CFAP299: variants seen among roughly 807,000 people sequenced by gnomAD.
The protein encoded by CFAP299 is cilia- and flagella-associated protein 299.
Under a neutral mutation model 27.0 loss-of-function variants are expected in CFAP299, and 21 were observed. The ratio of observed to expected loss-of-function variants is 0.78; its 90% CI spans 0.55 to 1.12. The LOEUF is 1.12. Among genes scored for constraint, CFAP299 ranks in the 50% most tolerant of loss-of-function variants. CFAP299 has a pLI of 0.00. For synonymous variants in CFAP299, 104 were observed against 98.1 expected (o/e 1.06, Z -0.36); for missense variants, 310 against 276.6 (o/e 1.12, Z -0.86).
intron 3 of CFAP299, 67 bp from the exon 4 acceptor site, chr4:80,869,926 C>G (rs772632407): frequency 9.6e-6 from 14 of 1,451,542 alleles, no homozygotes; most frequent in Non-Finnish European, 1.2e-5. Flanking sequence ...ATCATTCTAT[C>G]CTATGGCATT....
chr4:80,825,377 A>T (rs888942267), intron 3 of CFAP299, among the ~76,000 whole-genome samples: 3 of 151,986 alleles, frequency 2.0e-5, no homozygotes, highest in Non-Finnish European at 4.4e-5. Context: ...AAGCATCTCA[A>T]GTTTGATGAA....
intron 3 of CFAP299, among the ~76,000 whole-genome samples, chr4:80,748,509 T>G (rs1419599059): frequency 6.6e-6 from 1 of 152,166 alleles, no homozygotes; most frequent in African/African-American, 2.4e-5. Flanking sequence ...CCTAATAGAT[T>G]GCAAACATCA....
chr4:80,737,766 G>T (rs1329186795), intron 3 of CFAP299, among the ~76,000 whole-genome samples: 1 of 151,708 alleles, frequency 6.6e-6, no homozygotes, highest in African/African-American at 2.4e-5. Flanking sequence ...TTAAAAAGAA[G>T]AAAAAAATAA....
At chr4:80,852,916 C>T (rs1370637342) in intron 3 of CFAP299, among the ~76,000 whole-genome samples, 4 of 152,144 alleles carry the variant, frequency 2.6e-5, no homozygotes, top group Non-Finnish European at 5.9e-5. Flanking sequence ...CCAGTATGTA[C>T]CAGGCACTGT....
intron 2 of CFAP299, among the ~76,000 whole-genome samples, chr4:80,443,256 T>C (rs956620634): frequency 3.3e-5 from 5 of 151,804 alleles, no homozygotes; most frequent in African/African-American, 1.2e-4. Flanking sequence ...CCAGTGTCCC[T>C]TGAGCATCAA....
intron 3 of CFAP299, among the ~76,000 whole-genome samples, chr4:80,821,582 T>G (rs1290939252): frequency 1.3e-5 from 2 of 152,164 alleles, no homozygotes; most frequent in Non-Finnish European, 2.9e-5. Context: ...ATGTGAAGTC[T>G]TGTCCAAGTC....
At chr4:80,757,736 T>A (rs1725319721) in intron 3 of CFAP299, among the ~76,000 whole-genome samples, 1 of 140,052 alleles carries the variant, frequency 7.1e-6, no homozygotes, top group Non-Finnish European at 1.5e-5. Flanking sequence ...TGGTTTGGTT[T>A]TTTTTTCATT....
At chr4:80,728,673 T>G (rs886950759) in intron 3 of CFAP299, among the ~76,000 whole-genome samples, 4 of 152,214 alleles carry the variant, frequency 2.6e-5, no homozygotes, top group Non-Finnish European at 4.4e-5. Context: ...TAAAAAATCT[T>G]TGAGTTATAT....
chr4:80,780,329 A>G lies in CFAP299; in HGVS notation c.334-89664A>G, dbSNP rs532172331. Among the ~76,000 whole-genome samples the G allele has an allele frequency of 1.4e-4, 21 of 152,172 alleles. No homozygotes were observed. The South Asian group carries it at 3.9e-3, about 29-fold the overall frequency. Reference sequence around the variant, plus strand: ...ATTTATTGCTGCTGATGATCTCTCTATGCCATTGTAAGCTTTTGAAAGGCA... The same window carrying G: ...ATTTATTGCTGCTGATGATCTCTCTGTGCCATTGTAAGCTTTTGAAAGGCA... On this transcript the variant is annotated intron_variant, in intron 3 of 5. Transcript: ENST00000358105.
At chr4:80,377,303 TGTTAG>T (rs1260991439) in intron 2 of CFAP299, among the ~76,000 whole-genome samples, 2 of 152,142 alleles carry the variant, frequency 1.3e-5, no homozygotes, top group African/African-American at 4.8e-5. Context: ...TTGTAAATTT[TGTTAG>T]GTAAGAGGCT....
intron 2 of CFAP299, among the ~76,000 whole-genome samples, chr4:80,500,378 A>T (rs1333015514): frequency 1.3e-5 from 2 of 152,040 alleles, no homozygotes; most frequent in Non-Finnish European, 1.5e-5. Context: ...TCTCCTTGGG[A>T]TAGCTCATTT....
At chr4:80,937,034 T>C (rs1736923731) in intron 4 of CFAP299, among the ~76,000 whole-genome samples, 1 of 152,030 alleles carries the variant, frequency 6.6e-6, no homozygotes, top group African/African-American at 2.4e-5. Flanking sequence ...TATCCAATGA[T>C]ATAAGTGGGG....
At chr4:80,794,867 G>A (rs1349191322) in intron 3 of CFAP299, among the ~76,000 whole-genome samples, 1 of 152,148 alleles carries the variant, frequency 6.6e-6, no homozygotes, top group Non-Finnish European at 1.5e-5. Context: ...TCACCCCAAG[G>A]AATGGTGCCA....
At chr4:80,566,625 A>C (rs1319544425) in intron 2 of CFAP299, among the ~76,000 whole-genome samples, 1 of 152,086 alleles carries the variant, frequency 6.6e-6, no homozygotes, top group African/African-American at 2.4e-5. Context: ...TCTCCAGAGT[A>C]ATAACTGCTT....
intron 2 of CFAP299, among the ~76,000 whole-genome samples, chr4:80,384,358 A>C (rs931376109): frequency 5.3e-5 from 8 of 152,194 alleles, no homozygotes; most frequent in Non-Finnish European, 1.0e-4. Flanking sequence ...TAGTTTCTAT[A>C]TTATTCATAA....
chr4:80,963,515 A>G lies in CFAP299; in HGVS notation c.607-2A>G. On this transcript the variant is annotated splice_acceptor_variant, in intron 5 of 5. Coordinates refer to ENST00000358105, the MANE Select transcript of CFAP299 (RefSeq NM_152770.3). LOFTEE classifies it high-confidence loss of function. ...ACTAACAATGTAATTTATGTATTTT[A>G]GGCGCAGCCAGGTGACAACTCTACT... is the stretch of plus-strand genomic sequence containing the variant. The G allele has an allele frequency of 6.3e-7, 1 of 1,575,168 alleles. No homozygotes were observed. Among genetic ancestry groups the G allele is most frequent in the East Asian group, 2.3e-5 (1 of 43,882 alleles).
intron 2 of CFAP299, among the ~76,000 whole-genome samples, chr4:80,497,003 TA>T (rs1164309985): frequency 6.6e-6 from 1 of 152,172 alleles, no homozygotes; most frequent in Non-Finnish European, 1.5e-5. Flanking sequence ...GCTATGGTGC[TA>T]AACCATACAT....
chr4:80,428,684 G>A (rs1010584540), intron 2 of CFAP299, among the ~76,000 whole-genome samples: 2 of 131,210 alleles, frequency 1.5e-5, no homozygotes, highest in Admixed American at 8.8e-5. Context: ...CTGCCACCAT[G>A]CCTCGCTAAT....
intron 2 of CFAP299, among the ~76,000 whole-genome samples, chr4:80,568,386 T>C (rs1735416688): frequency 1.3e-5 from 2 of 152,084 alleles, no homozygotes; most frequent in Admixed American, 1.3e-4. Flanking sequence ...ACTAGAATGG[T>C]ATAAAATTAA....
Sources: allele counts gnomAD v4.1 joint callset (sites outside exome capture counted in the v4.1 genomes callset), GRCh38; gene constraint gnomAD v4.1.1; transcripts MANE v1.5; gene names NCBI Gene and HGNC (gene_info 2026-07-23, HGNC 2026-07-21).